Variants in SLC1A3 observed in about 807,000 individuals in gnomAD.
SLC1A3 encodes excitatory amino acid transporter 1.
In SLC1A3, 21 loss-of-function variants were observed where a neutral mutation model predicts 48.1. The ratio of observed to expected loss-of-function variants is 0.44; its 90% CI spans 0.31 to 0.63. The LOEUF is 0.63. SLC1A3 is among the 20% of genes least tolerant of loss of function. The pLI is 0.08. For missense variants in SLC1A3, 546 were observed against 689.0 expected (o/e 0.79, Z 2.32); for synonymous variants, 239 against 251.4 (o/e 0.95, Z 0.47).
At chr5:36,632,301 G>A (rs4869680) in intron 3 of SLC1A3, among the ~76,000 whole-genome samples, 102,741 of 152,064 alleles carry the variant, frequency 0.68, 34,797 homozygotes, top group Middle Eastern at 0.76. Context: ...CAAAGCAAAC[G>A]CAGTACACCC....
At position 36,608,422 on chromosome 5, in the gene SLC1A3, A is replaced by T; in HGVS notation, c.-2A>T. ...GAAGAGACCCTCCTAGAAAAGTAAAATATGACTAAAAGCAATGGAGAAGAG... is the reference window on the plus strand; with the variant it reads ...GAAGAGACCCTCCTAGAAAAGTAAATTATGACTAAAAGCAATGGAGAAGAG... On this transcript the variant is annotated 5_prime_UTR_variant, in exon 2 of 10. Coordinates refer to ENST00000265113, the MANE Select transcript of SLC1A3 (RefSeq NM_004172.5). The T allele has an allele frequency of 6.2e-7, 1 of 1,613,964 alleles. No individual in the cohort carries two copies. The highest frequency in any genetic ancestry group is 8.5e-7 in the Non-Finnish European group (1 of 1,179,872).
chr5:36,601,390 G>T (rs1191181026), intron 1 of SLC1A3, among the ~76,000 whole-genome samples: 1 of 152,178 alleles, frequency 6.6e-6, no homozygotes, highest in Admixed American at 6.5e-5. Flanking sequence ...TGGCAAGCCC[G>T]TTATTGGCAT....
chr5:36,669,076 C>T (rs1313467671), intron 3 of SLC1A3: 3 of 152,222 alleles, frequency 2.0e-5, no homozygotes, highest in Non-Finnish European at 4.4e-5. Context: ...GCCTGGTACT[C>T]CCTGGTACCC....
At chr5:36,636,475 C>CT (rs772847366) in intron 3 of SLC1A3, 1 of 113,628 alleles carries the variant, frequency 8.8e-6, no homozygotes, top group African/African-American at 4.5e-5. Context: ...TTCTTTCTTT[C>CT]TTTCTTTCTT....
chr5:36,627,446 A>G (rs1467478289), intron 2 of SLC1A3, among the ~76,000 whole-genome samples: 1 of 152,116 alleles, frequency 6.6e-6, no homozygotes, highest in African/African-American at 2.4e-5. Flanking sequence ...ACATGGATTC[A>G]GGTAGTCGTA....
chr5:36,681,199 T>C (rs187954723), intron 8 of SLC1A3, among the ~76,000 whole-genome samples: 1 of 152,216 alleles, frequency 6.6e-6, no homozygotes, highest in African/African-American at 2.4e-5. Context: ...TTCCTATGCA[T>C]AGACATGCAC....
chr5:36,627,367 G>A (rs2111745585), intron 2 of SLC1A3, among the ~76,000 whole-genome samples: 1 of 152,058 alleles, frequency 6.6e-6, no homozygotes, highest in South Asian at 2.1e-4. Context: ...GGGGGTAGAG[G>A]AAATAAAGCC....
At chr5:36,629,711 A>C in intron 3 of SLC1A3, 124 bp downstream of exon 3, 1 of 830,846 alleles carries the variant, frequency 1.2e-6, no homozygotes, top group Non-Finnish European at 2.1e-6. Context: ...AAAAAAAAAA[A>C]AGTCCCTTCA....
Position 36,617,132 on chromosome 5 carries a change from T to C in SLC1A3, c.181+8528T>C, listed in dbSNP as rs746423987. Among the ~76,000 whole-genome samples the C allele has an allele frequency of 3.3e-5, 5 of 152,164 alleles. No homozygotes were observed. The East Asian group carries it at 9.6e-4, about 29-fold the overall frequency. ...GAAGTTGCACATGAGCCTATAATGA[T>C]TGAGTTCAAAGTTTTTTCAGATTCG... is the stretch of plus-strand genomic sequence containing the variant. On this transcript the variant is annotated intron_variant, in intron 2 of 9. Transcript: ENST00000265113.
intron 2 of SLC1A3, among the ~76,000 whole-genome samples, chr5:36,618,451 G>A (rs1739535371): frequency 6.6e-6 from 1 of 152,142 alleles, no homozygotes; most frequent in South Asian, 2.1e-4. Context: ...CCGCTCCCAG[G>A]CCAGCCCTGG....
chr5:36,677,261 G>T, intron 6 of SLC1A3, 77 bp downstream of exon 6: 2 of 1,331,666 alleles, frequency 1.5e-6, no homozygotes, highest in East Asian at 2.3e-5. Context: ...ACTGAGGAAG[G>T]TGCCACGAGG....
In SLC1A3 at chr5:36,683,941, C is replaced by T; in HGVS notation, c.1367C>T (p.Thr456Ile). 6.2e-7 allele frequency: 1 copy of T among 1,614,190 alleles called. No homozygotes were observed. The highest frequency in any genetic ancestry group is 8.5e-7 in the Non-Finnish European group (1 of 1,180,034). ...AGLVTMVIVL[T>I]SVGLPTDDIT... ...CTGGTCACTATGGTCATTGTGCTGA[C>T]ATCTGTCGGCCTGCCCACTGACGAC... is the stretch of plus-strand genomic sequence containing the variant. The change falls in exon 9 of 10, where the codon ACA (threonine) becomes ATA (isoleucine). Residue 456 changes from threonine to isoleucine, a missense_variant. Thr to Ile is a moderately conservative substitution (Grantham distance 89, BLOSUM62 -1). Transcript: ENST00000265113.
intron 3 of SLC1A3, among the ~76,000 whole-genome samples, chr5:36,656,650 C>T (rs1266278115): frequency 6.6e-6 from 1 of 152,138 alleles, no homozygotes; most frequent in Non-Finnish European, 1.5e-5. Flanking sequence ...GCCCTGGTTG[C>T]AGTGATGAAC....
chr5:36,675,303 C>T (rs1739926004), intron 5 of SLC1A3, among the ~76,000 whole-genome samples: 1 of 151,380 alleles, frequency 6.6e-6, no homozygotes, highest in Admixed American at 6.6e-5. Flanking sequence ...TGTTCAAAAA[C>T]AACTATAACT....
intron 3 of SLC1A3, among the ~76,000 whole-genome samples, chr5:36,636,535 TTC>T (rs563631418): frequency 2.7e-5 from 4 of 147,568 alleles, no homozygotes; most frequent in Non-Finnish European, 4.5e-5. Context: ...CTCTTTCCTT[TTC>T]TCTCTCTCTT....
chr5:36,614,595 G>A (rs892944963), intron 2 of SLC1A3, among the ~76,000 whole-genome samples: 8 of 152,120 alleles, frequency 5.3e-5, no homozygotes, highest in Non-Finnish European at 7.4e-5. Context: ...TGGAGGGGGC[G>A]CCTGACAGTA....
chr5:36,686,305 G>T lies in SLC1A3; in HGVS notation c.*36G>T. ...AGAAACACTTTCTTGAGCACCAGGT[G>T]TTAAAAACCATTATAAAATCTTTCC... On this transcript the variant is annotated 3_prime_UTR_variant, in exon 10 of 10. Transcript: ENST00000265113. 4.8e-6 allele frequency: 7 copies of T among 1,468,964 alleles called. No homozygotes were observed. The highest frequency in any genetic ancestry group is 6.7e-6 in the Non-Finnish European group (7 of 1,047,586). 91.0% of individuals were successfully genotyped at this position (1,468,964 alleles called of 1,614,324 possible). A position where few individuals can be genotyped will look rare whatever the true frequency, so the allele number is the denominator to read the frequency against.
At chr5:36,674,423 A>G (rs1328526812) in intron 5 of SLC1A3, among the ~76,000 whole-genome samples, 1 of 152,106 alleles carries the variant, frequency 6.6e-6, no homozygotes, top group African/African-American at 2.4e-5. Context: ...ACACCAATAT[A>G]AAATATATTT....
chr5:36,679,343 C>A (rs1742337744), intron 6 of SLC1A3, among the ~76,000 whole-genome samples: 1 of 152,094 alleles, frequency 6.6e-6, no homozygotes, highest in South Asian at 2.1e-4. Context: ...TCTGCCTTTT[C>A]CCCCAGGTCT....
Sources: allele counts gnomAD v4.1 joint callset (sites outside exome capture counted in the v4.1 genomes callset), GRCh38; gene constraint gnomAD v4.1.1; transcripts MANE v1.5; gene names NCBI Gene and HGNC (gene_info 2026-07-23, HGNC 2026-07-21).